The following PDE1A variants were observed in gnomAD, a reference collection of about 807,000 sequenced individuals.
The protein encoded by PDE1A is phosphodiesterase 1A, also known as dual specificity calcium/calmodulin-dependent 3',5'-cyclic nucleotide phosphodiesterase 1A.
Under a neutral mutation model 61.7 loss-of-function variants are expected in PDE1A, and 35 were observed. The ratio of observed to expected loss-of-function variants is 0.57; its 90% CI spans 0.43 to 0.75. PDE1A has a LOEUF of 0.75. Among genes scored for constraint, PDE1A ranks in the 30% least tolerant of loss-of-function variants. PDE1A has a pLI of 0.00. For synonymous variants in PDE1A, 232 were observed against 213.2 expected, an observed-to-expected ratio of 1.09 and a Z score of -0.77; for missense variants, 597 against 630.6, an observed-to-expected ratio of 0.95 and a Z score of 0.57.
chr2:182,316,360 A>G (rs1696341343), intron 1 of PDE1A, among the ~76,000 whole-genome samples: 1 of 152,162 alleles, frequency 6.6e-6, no homozygotes, highest in South Asian at 2.1e-4. Context: ...GATTAAGTAA[A>G]TGTTAATTAA....
At chr2:182,635,438 C>T in the PDE1A span, among the ~76,000 whole-genome samples, 93,585 of 151,798 alleles carry the variant, frequency 0.62, 29,075 homozygotes, top group Admixed American at 0.71. Context: ...GTTTAATATA[C>T]CTTAGAAATC....
intron 2 of PDE1A, among the ~76,000 whole-genome samples, chr2:182,262,983 G>C (rs893760393): frequency 4.6e-5 from 7 of 151,944 alleles, no homozygotes; most frequent in African/African-American, 1.7e-4. Context: ...GTGTGTGTGT[G>C]TGTGTGTGTA....
At chr2:182,307,292 T>C (rs1695651474) in intron 1 of PDE1A, among the ~76,000 whole-genome samples, 2 of 152,170 alleles carry the variant, frequency 1.3e-5, no homozygotes, top group South Asian at 2.1e-4. Flanking sequence ...GGGTGGGACC[T>C]TTAAAAGGTG....
downstream of PDE1A, among the ~76,000 whole-genome samples, chr2:182,145,760 A>G (rs902743700): frequency 2.0e-5 from 3 of 152,044 alleles, no homozygotes; most frequent in Admixed American, 1.3e-4. Flanking sequence ...GCAAAAAGGT[A>G]CTTCATATAC....
chr2:182,263,364 T>A (rs566245601), intron 2 of PDE1A, among the ~76,000 whole-genome samples: 3 of 152,128 alleles, frequency 2.0e-5, no homozygotes, highest in Non-Finnish European at 2.9e-5. Flanking sequence ...ATATATATAT[T>A]TTCTACTATT....
chr2:182,467,878 C>T (rs953000715), intron 2 of PDE1A, among the ~76,000 whole-genome samples: 2 of 151,950 alleles, frequency 1.3e-5, no homozygotes, highest in African/African-American at 4.8e-5. Context: ...ATGAGTTACA[C>T]AGATTTTCTG....
rs138691247 is a variant in PDE1A, at chr2:182,219,523, T to C, written c.776+4341A>G. 3.8e-3 allele frequency among the ~76,000 whole-genome samples: 572 copies of C among 152,216 alleles called. 2 individuals are homozygous for C. The highest frequency in any genetic ancestry group is 0.01 in the African/African-American group (432 of 41,562). On this transcript the variant is annotated intron_variant, in intron 7 of 13. Transcript: ENST00000351439. The stretch of plus-strand genomic sequence containing the variant: ...TTCATATAAGTTGGCAAGTTGAATA[T>C]TGACAACAAATATAGCAAAAAAGAA...
At chr2:182,407,997 C>G (rs1370304205) in intron 1 of PDE1A, among the ~76,000 whole-genome samples, 1 of 152,016 alleles carries the variant, frequency 6.6e-6, no homozygotes, top group Non-Finnish European at 1.5e-5. Context: ...AGGAGTTAGA[C>G]AAACACAGAA....
chr2:182,580,189 A>C, the PDE1A span, among the ~76,000 whole-genome samples: 1,524 of 152,302 alleles, frequency 0.01, 11 homozygotes, highest in Middle Eastern at 0.034. Context: ...TTGACGTCCT[A>C]ACCCTCAGTA....
the PDE1A span, among the ~76,000 whole-genome samples, chr2:182,674,020 A>G: frequency 7.5e-6 from 1 of 132,818 alleles, no homozygotes; most frequent in Non-Finnish European, 1.7e-5. Flanking sequence ...ATATATATAT[A>G]TATGAATTGA....
intron 2 of PDE1A, among the ~76,000 whole-genome samples, chr2:182,433,652 G>A (rs886250794): frequency 2.6e-5 from 4 of 152,048 alleles, no homozygotes; most frequent in Non-Finnish European, 5.9e-5. Context: ...ATGGAAGATA[G>A]ACAAATACAT....
At chr2:182,191,715 T>G (rs562478544) in intron 10 of PDE1A, among the ~76,000 whole-genome samples, 94 of 145,786 alleles carry the variant, frequency 6.4e-4, no homozygotes, top group Admixed American at 2.2e-3. Flanking sequence ...TTTTTTTTTT[T>G]TGTCAAGATG....
chr2:182,357,510 T>A (rs1699263261), intron 1 of PDE1A, among the ~76,000 whole-genome samples: 2 of 152,324 alleles, frequency 1.3e-5, no homozygotes, highest in Middle Eastern at 3.4e-3. Context: ...CAACCTACAA[T>A]ATTCCAAGAC....
chr2:182,339,224 T>A (rs1165442903), intron 1 of PDE1A, among the ~76,000 whole-genome samples: 1 of 152,174 alleles, frequency 6.6e-6, no homozygotes, highest in Admixed American at 6.5e-5. Flanking sequence ...GTTTAATAGA[T>A]TGTGAAGACT....
chr2:182,254,270 T>C (rs969090129), intron 2 of PDE1A, among the ~76,000 whole-genome samples: 1 of 152,104 alleles, frequency 6.6e-6, no homozygotes, highest in Non-Finnish European at 1.5e-5. Flanking sequence ...CTAAGTGATT[T>C]TCACACTCCA....
intron 1 of PDE1A, among the ~76,000 whole-genome samples, chr2:182,334,277 C>T (rs895582853): frequency 1.3e-5 from 2 of 151,112 alleles, no homozygotes; most frequent in Non-Finnish European, 3.0e-5. Context: ...GACACACACA[C>T]ACACACACAC....
intron 2 of PDE1A, among the ~76,000 whole-genome samples, chr2:182,465,905 G>C (rs981322554): frequency 5.3e-5 from 8 of 151,980 alleles, no homozygotes; most frequent in East Asian, 1.9e-4. Context: ...CCAGTGTCTA[G>C]AGTGATGCCG....
chr2:182,264,773 G>A (rs1290524945), intron 1 of PDE1A, among the ~76,000 whole-genome samples: 1 of 148,994 alleles, frequency 6.7e-6, no homozygotes, highest in East Asian at 2.0e-4. Context: ...GGCACTAGGA[G>A]AATATTCAAA....
At chr2:182,436,368 TTTTA>T (rs1684411260) in intron 2 of PDE1A, among the ~76,000 whole-genome samples, 1 of 152,030 alleles carries the variant, frequency 6.6e-6, no homozygotes, top group African/African-American at 2.4e-5. Context: ...TTTTTTGTAC[TTTTA>T]TTTTATTAAA....
Sources: gnomAD v4.1 joint callset for allele counts (sites outside exome capture counted in the v4.1 genomes callset) on GRCh38, gnomAD v4.1.1 for gene constraint, MANE v1.5 for transcripts, NCBI Gene and HGNC (gene_info 2026-07-23, HGNC 2026-07-21) for gene names.